Variants in ST7 observed in about 807,000 individuals in gnomAD.
ST7 encodes the protein suppression of tumorigenicity 7.
ST7 carries 28 observed loss-of-function variants against 78.7 expected under a neutral mutation model. The ratio of observed to expected loss-of-function variants is 0.36; its 90% confidence interval spans 0.26 to 0.49. The LOEUF (loss-of-function observed/expected upper bound fraction) is 0.49. Ranked by LOEUF, ST7 falls within the 20% of genes least tolerant of loss-of-function variation. The pLI is 0.99. For missense variants in ST7, 418 were observed against 696.0 expected (o/e 0.60, Z 4.49); for synonymous variants, 247 against 249.6 (o/e 0.99, Z 0.10).
At chr7:116,981,164 A>G (rs189294953) in intron 1 of ST7, among the ~76,000 whole-genome samples, 3 of 151,954 alleles carry the variant, frequency 2.0e-5, no homozygotes, top group East Asian at 3.9e-4. Flanking sequence ...GCTGGAGTGC[A>G]GTGGTGTGAT....
At chr7:117,151,466 T>C (rs1011599288) in intron 9 of ST7, among the ~76,000 whole-genome samples, 3 of 152,210 alleles carry the variant, frequency 2.0e-5, no homozygotes, top group Admixed American at 2.0e-4. Context: ...TGAGCTGGAA[T>C]AGCACTTTAG....
At chr7:117,161,100 GTT>G (rs201045321) in intron 9 of ST7, among the ~76,000 whole-genome samples, 7,735 of 144,102 alleles carry the variant, frequency 0.054, 675 homozygotes, top group African/African-American at 0.18. Flanking sequence ...GGACACTGTT[GTT>G]TTTTTTTTTT....
At position 117,230,126 on chromosome 7, in the gene ST7, TC is replaced by T. The variant is rs1306256452; in HGVS notation, c.*271del. ...CAATCATTTGTATCCTCCTGTGTCT[TC>T]CAACCCTAAAATTGTTGATGTCCCA... On this transcript the variant is annotated 3_prime_UTR_variant, in exon 16 of 16. Transcript: ENST00000323984. The T allele has an allele frequency of 1.7e-6, 1 of 585,686 alleles. No homozygotes were observed. Among genetic ancestry groups the T allele is most frequent in the East Asian group, 3.4e-5 (1 of 29,848 alleles). The allele number at this position is 585,686 out of a possible 1,614,324, so 36.3% of individuals were successfully genotyped here.
intron 9 of ST7, among the ~76,000 whole-genome samples, chr7:117,145,896 C>G (rs1356722256): frequency 1.3e-5 from 2 of 152,168 alleles, no homozygotes; most frequent in East Asian, 3.9e-4. Context: ...TCAGCCTAGC[C>G]TGTAAAGATG....
At chr7:117,021,378 A>G (rs1165699718) in intron 1 of ST7, among the ~76,000 whole-genome samples, 1 of 152,248 alleles carries the variant, frequency 6.6e-6, no homozygotes, top group African/African-American at 2.4e-5. Context: ...ATGCAGTTGT[A>G]CAGGCTCTGC....
At chr7:116,988,324 TA>T (rs1246121481) in intron 1 of ST7, among the ~76,000 whole-genome samples, 1 of 152,228 alleles carries the variant, frequency 6.6e-6, no homozygotes, top group African/African-American at 2.4e-5. Flanking sequence ...CCCACTTTTA[TA>T]AAATGGAATG....
chr7:117,093,033 T>A (rs1203995328), intron 1 of ST7, among the ~76,000 whole-genome samples: 1 of 152,204 alleles, frequency 6.6e-6, no homozygotes, highest in Non-Finnish European at 1.5e-5. Context: ...TGTGGCTCAA[T>A]TGATTGTTCC....
At position 117,201,962 on chromosome 7, in the gene ST7, T is replaced by TTG. The variant is rs1322933439; in HGVS notation, c.1255-7824_1255-7823insGT. 1.5e-4 allele frequency among the ~76,000 whole-genome samples: 8 copies of TTG among 54,286 alleles called. 2 individuals are homozygous for TTG. The highest frequency in any genetic ancestry group is 1.3e-3 in the African/African-American group (8 of 6,240). The allele number at this position is 54,286 out of a possible 152,430, so 35.6% of individuals were successfully genotyped here. A position where few individuals can be genotyped will look rare whatever the true frequency, so the allele number is the denominator to read the frequency against. ...CTCTCCCTCCTTGCTCGAAGCTATC[T>TTG]TTTTTTTTTTTTTTTTGAGACGGAG... On this transcript the variant is annotated intron_variant, in intron 12 of 15. Coordinates refer to ENST00000323984, the MANE Select transcript of ST7 (RefSeq NM_001369598.1).
intron 9 of ST7, among the ~76,000 whole-genome samples, chr7:117,143,938 T>C (rs942318104): frequency 6.6e-6 from 1 of 152,222 alleles, no homozygotes; most frequent in Admixed American, 6.5e-5. Flanking sequence ...CTCAAACTTC[T>C]TGGTCTCAGA....
At chr7:117,168,977 C>A (rs993676777) in intron 9 of ST7, among the ~76,000 whole-genome samples, 2 of 152,170 alleles carry the variant, frequency 1.3e-5, no homozygotes, top group African/African-American at 4.8e-5. Flanking sequence ...TAATAGATAG[C>A]AGTTATCCAG....
intron 1 of ST7, among the ~76,000 whole-genome samples, chr7:117,035,365 T>C (rs1470121817): frequency 6.6e-6 from 1 of 152,214 alleles, no homozygotes; most frequent in Non-Finnish European, 1.5e-5. Flanking sequence ...TTCCTGAAAT[T>C]GTGCATTGAT....
intron 2 of ST7, among the ~76,000 whole-genome samples, chr7:117,110,637 T>C (rs973897081): frequency 6.6e-6 from 1 of 152,228 alleles, no homozygotes; most frequent in African/African-American, 2.4e-5. Context: ...TAGCCTGCTG[T>C]ACAAATGGTA....
At position 117,043,370 on chromosome 7, in the gene ST7, T is replaced by A. The variant is rs77585390; in HGVS notation, c.152-56392T>A. On this transcript the variant is annotated intron_variant, in intron 1 of 15. Coordinates refer to ENST00000323984, the MANE Select transcript of ST7 (RefSeq NM_001369598.1). ...CTAATGAAGCAAGCATTGGTATGTG[T>A]TGCTGGGACCTTTGAGACTATTCCT... Among the ~76,000 whole-genome samples, 1,490 of 152,352 alleles carry A rather than the reference T, an allele frequency of 9.8e-3. 31 individuals carry two copies. Among genetic ancestry groups the A allele is most frequent in the African/African-American group, 0.034 (1,409 of 41,588 alleles).
intron 13 of ST7, 92 bp downstream of exon 13, chr7:117,210,029 C>A: frequency 7.1e-7 from 1 of 1,410,570 alleles, no homozygotes; most frequent in South Asian, 1.4e-5. Flanking sequence ...TGAAGATTTA[C>A]ATATGTACTG....
intron 1 of ST7, among the ~76,000 whole-genome samples, chr7:116,962,411 A>G (rs1188347426): frequency 6.6e-6 from 1 of 152,218 alleles, no homozygotes; most frequent in Non-Finnish European, 1.5e-5. Context: ...CCAACAGTGT[A>G]AAGGCGTTCC....
chr7:117,121,156 C>T (rs1013682765), intron 3 of ST7, among the ~76,000 whole-genome samples: 12 of 152,214 alleles, frequency 7.9e-5, no homozygotes, highest in African/African-American at 2.7e-4. Flanking sequence ...TTCACAGCAC[C>T]TGCAAAGTGG....
intron 1 of ST7, chr7:116,956,523 C>T (rs1284361330): frequency 2.1e-6 from 1 of 471,180 alleles, no homozygotes; most frequent in Non-Finnish European, 4.4e-6. Flanking sequence ...GCGCAGGCCT[C>T]CCTTCCTCCT....
chr7:117,127,437 A>G (rs922364763), intron 3 of ST7, among the ~76,000 whole-genome samples: 2 of 151,914 alleles, frequency 1.3e-5, no homozygotes, highest in African/African-American at 4.8e-5. Flanking sequence ...GCTGTGGCCT[A>G]ATTTTAAAGC....
intron 15 of ST7, among the ~76,000 whole-genome samples, chr7:117,222,476 T>A (rs1793162749): frequency 6.6e-6 from 1 of 152,088 alleles, no homozygotes; most frequent in Non-Finnish European, 1.5e-5. Context: ...ATTTAAATAA[T>A]TTTTTTTAAT....
Sources: allele counts gnomAD v4.1 joint callset (sites outside exome capture counted in the v4.1 genomes callset), GRCh38; gene constraint gnomAD v4.1.1; transcripts MANE v1.5; gene names NCBI Gene and HGNC (gene_info 2026-07-23, HGNC 2026-07-21).